GABRG3: variants seen among roughly 807,000 people sequenced by gnomAD.
GABRG3 encodes gamma-aminobutyric acid type A receptor subunit gamma3.
A neutral mutation model predicts 48.8 loss-of-function variants in GABRG3; 25 were observed. The observed-to-expected ratio is 0.51, with a 90% CI of 0.37 to 0.72. GABRG3 has a LOEUF of 0.72. Ranked by LOEUF, GABRG3 falls within the 30% of genes least tolerant of loss-of-function variation. The pLI, the probability that GABRG3 is intolerant of heterozygous loss-of-function variation, is 0.00. For synonymous variants in GABRG3, 227 were observed against 217.6 expected (o/e 1.04, Z -0.38); for missense variants, 394 against 577.9 (o/e 0.68, Z 3.26).
chr15:27,036,785 T>G (rs1896186530), intron 3 of GABRG3, among the ~76,000 whole-genome samples: 1 of 152,208 alleles, frequency 6.6e-6, no homozygotes, highest in Non-Finnish European at 1.5e-5. Context: ...GACAGTAGAA[T>G]ACAGCTATGA....
chr15:27,518,466 A>G (rs1020247617), intron 6 of GABRG3, among the ~76,000 whole-genome samples: 3 of 152,176 alleles, frequency 2.0e-5, no homozygotes, highest in East Asian at 1.9e-4. Context: ...CAAGAGAGAC[A>G]TATTCTATAA....
intron 3 of GABRG3, among the ~76,000 whole-genome samples, chr15:27,123,156 T>C (rs189767486): frequency 6.6e-6 from 1 of 152,334 alleles, no homozygotes; most frequent in African/African-American, 2.4e-5. Context: ...TAATTGAAGG[T>C]TGGAATATGC....
intron 3 of GABRG3, among the ~76,000 whole-genome samples, chr15:27,069,641 A>G (rs1455306245): frequency 6.6e-6 from 1 of 152,248 alleles, no homozygotes; most frequent in East Asian, 1.9e-4. Flanking sequence ...ATTATAAGAA[A>G]CAGGATTATT....
chr15:27,189,165 G>A (rs1309199390), intron 3 of GABRG3, among the ~76,000 whole-genome samples: 1 of 151,692 alleles, frequency 6.6e-6, no homozygotes, highest in Non-Finnish European at 1.5e-5. Context: ...GTAGCATGAT[G>A]CCTCCAGCTT....
intron 3 of GABRG3, among the ~76,000 whole-genome samples, chr15:27,129,159 G>A (rs1215645233): frequency 6.6e-6 from 1 of 152,126 alleles, no homozygotes; most frequent in East Asian, 1.9e-4. Flanking sequence ...TTCAGCCAAA[G>A]AAATTTTCAT....
intron 3 of GABRG3, among the ~76,000 whole-genome samples, chr15:27,103,744 C>T (rs1231813078): frequency 6.6e-6 from 1 of 152,172 alleles, no homozygotes; most frequent in African/African-American, 2.4e-5. Context: ...TTCTTGAGGT[C>T]ATTCTCTCAA....
chr15:27,368,467 A>G (rs1895285347), intron 5 of GABRG3, among the ~76,000 whole-genome samples: 1 of 152,248 alleles, frequency 6.6e-6, no homozygotes, highest in Non-Finnish European at 1.5e-5. Context: ...ACATTTCTGT[A>G]AAGTTATTGC....
intron 3 of GABRG3, among the ~76,000 whole-genome samples, chr15:27,239,273 G>A (rs1433646126): frequency 6.6e-6 from 1 of 152,164 alleles, no homozygotes; most frequent in Non-Finnish European, 1.5e-5. Context: ...CCAAGGCTAT[G>A]TTTTGTATGG....
At chr15:27,382,281 A>G (rs1244531567) in intron 5 of GABRG3, among the ~76,000 whole-genome samples, 1 of 152,224 alleles carries the variant, frequency 6.6e-6, no homozygotes, top group Non-Finnish European at 1.5e-5. Flanking sequence ...AAAAGCAAGC[A>G]TGTAAAATAT....
At chr15:27,529,326 A>G (rs565819907) in intron 9 of GABRG3, among the ~76,000 whole-genome samples, 1 of 152,350 alleles carries the variant, frequency 6.6e-6, no homozygotes, top group South Asian at 2.1e-4. Context: ...CGAGAAACAT[A>G]TTTTTAAATT....
At position 27,159,669 on chromosome 15, in the gene GABRG3, C is replaced by G. The variant is rs208156; in HGVS notation, c.270+132848C>G. On this transcript the variant is annotated intron_variant, in intron 3 of 9. Coordinates refer to ENST00000615808, the MANE Select transcript of GABRG3 (RefSeq NM_033223.5). Reference sequence around the variant, plus strand: ...AGACTTTCCCTGTCTTACACTCTACCCATTTTCCCCTTTTGTTCCCCCGCT... The same window carrying G: ...AGACTTTCCCTGTCTTACACTCTACGCATTTTCCCCTTTTGTTCCCCCGCT... 3.7e-3 allele frequency among the ~76,000 whole-genome samples: 560 copies of G among 152,174 alleles called. 6 individuals carry two copies. Among genetic ancestry groups the G allele is most frequent in the African/African-American group, 0.013 (547 of 41,536 alleles).
intron 7 of GABRG3, among the ~76,000 whole-genome samples, chr15:27,523,982 T>C (rs929398047): frequency 1.3e-4 from 19 of 151,902 alleles, no homozygotes; most frequent in Admixed American, 1.0e-3. Context: ...AAAGAAACAA[T>C]GGATAAAAAA....
intron 2 of GABRG3, among the ~76,000 whole-genome samples, chr15:26,991,920 C>T (rs1018625893): frequency 2.0e-5 from 3 of 152,032 alleles, no homozygotes; most frequent in African/African-American, 7.3e-5. Flanking sequence ...TGGGGTTTCA[C>T]CGTGTTAGCC....
intron 3 of GABRG3, among the ~76,000 whole-genome samples, chr15:27,199,329 A>G (rs1888607915): frequency 6.6e-6 from 1 of 152,162 alleles, no homozygotes; most frequent in African/African-American, 2.4e-5. Context: ...ATTTCCCAGA[A>G]TATTTCTCAA....
chr15:27,269,703 A>G (rs760543947), intron 3 of GABRG3, among the ~76,000 whole-genome samples: 2 of 152,236 alleles, frequency 1.3e-5, no homozygotes, highest in African/African-American at 4.8e-5. Flanking sequence ...AATAGGTGAC[A>G]TGAGTACATT....
At chr15:27,487,485 T>C (rs960633869) in intron 6 of GABRG3, among the ~76,000 whole-genome samples, 1 of 152,144 alleles carries the variant, frequency 6.6e-6, no homozygotes, top group African/African-American at 2.4e-5. Context: ...GTCCACACAA[T>C]ATGTACTGTA....
At chr15:27,445,883 C>T (rs1246334666) in intron 5 of GABRG3, among the ~76,000 whole-genome samples, 4 of 152,020 alleles carry the variant, frequency 2.6e-5, no homozygotes, top group Admixed American at 2.0e-4. Flanking sequence ...TGTGCCAGCA[C>T]CATTTGTTGA....
At chr15:27,168,381 C>G (rs1887451430) in intron 3 of GABRG3, among the ~76,000 whole-genome samples, 1 of 152,148 alleles carries the variant, frequency 6.6e-6, no homozygotes, top group Non-Finnish European at 1.5e-5. Flanking sequence ...TGAACACACA[C>G]CGTGATTAAG....
chr15:27,008,299 C>T (rs1271687781), intron 2 of GABRG3, among the ~76,000 whole-genome samples: 2 of 152,216 alleles, frequency 1.3e-5, no homozygotes, highest in Non-Finnish European at 2.9e-5. Flanking sequence ...GAAGGTTAAA[C>T]ATGAGCCCAC....
Sources: gnomAD v4.1 joint callset for allele counts (sites outside exome capture counted in the v4.1 genomes callset) on GRCh38, gnomAD v4.1.1 for gene constraint, MANE v1.5 for transcripts, NCBI Gene and HGNC (gene_info 2026-07-23, HGNC 2026-07-21) for gene names.